Variants in CSMD1 observed in about 807,000 individuals in gnomAD.
CSMD1 encodes CUB and Sushi multiple domains 1.
In CSMD1, 213 loss-of-function variants were observed where a neutral mutation model predicts 417.5. The observed-to-expected ratio is 0.51, with a 90% confidence interval of 0.46 to 0.57. CSMD1 has a LOEUF of 0.57. Among genes scored for constraint, CSMD1 ranks in the 20% least tolerant of loss-of-function variants. CSMD1 has a pLI of 0.00. For synonymous variants in CSMD1, 2,862 were observed against 1,736.8 expected (o/e 1.65, Z -16.11); for missense variants, 6,923 against 4,529.7 (o/e 1.53, Z -15.17).
At position 3,656,787 on chromosome 8, in the gene CSMD1, G is replaced by A. The variant is rs545109119; in HGVS notation, c.1010-39990C>T. ...CTAAAAATCCAAAAATTAGGCAGAT[G>A]TGGTGGGCATCCCTGTAGTCCCAGC... On this transcript the variant is annotated intron_variant, in intron 7 of 69. Coordinates refer to ENST00000635120, the MANE Select transcript of CSMD1 (RefSeq NM_033225.6). Among the ~76,000 whole-genome samples, 18 of 152,222 alleles carry A rather than the reference G, an allele frequency of 1.2e-4. No homozygotes were observed. In the South Asian group the frequency reaches 3.5e-3, roughly 30 times the overall value.
rs75984504 is a variant in CSMD1, at chr8:4,759,557, C to T, written c.86-121999G>A. On this transcript the variant is annotated intron_variant, in intron 1 of 69. Transcript: ENST00000635120. ...CTAGGATTTTTTTCCTAATGCTCTC[C>T]CTTTCCCCGAACCATCCCCCTGTCA... 6.3e-3 allele frequency among the ~76,000 whole-genome samples: 926 copies of T among 147,498 alleles called. 8 individuals carry two copies. The highest frequency in any genetic ancestry group is 0.023 in the African/African-American group (895 of 38,406).
chr8:4,115,804 A>T (rs1041440722), intron 3 of CSMD1, among the ~76,000 whole-genome samples: 1 of 151,968 alleles, frequency 6.6e-6, no homozygotes, highest in Non-Finnish European at 1.5e-5. Context: ...AATGTAAATC[A>T]TATTTCTCAG....
chr8:4,829,552 G>T (rs1457520034), intron 1 of CSMD1, among the ~76,000 whole-genome samples: 1 of 151,900 alleles, frequency 6.6e-6, no homozygotes, highest in South Asian at 2.1e-4. Flanking sequence ...GAGCAGTCTG[G>T]GCAACATGGC....
At chr8:3,294,710 G>C (rs1031331758) in intron 25 of CSMD1, among the ~76,000 whole-genome samples, 14 of 152,134 alleles carry the variant, frequency 9.2e-5, no homozygotes, top group African/African-American at 2.9e-4. Flanking sequence ...CGATTTTCCA[G>C]GTGCCATCTG....
rs915837338 is a variant in CSMD1 at position 4,730,213 on chromosome 8, C to T, written c.86-92655G>A. Reference sequence around the variant, plus strand: ...TGGAAAAGAGGGAGACAGAAGAAAACAAAACAAAACAAAACAAAACAAAAC... The same window carrying T: ...TGGAAAAGAGGGAGACAGAAGAAAATAAAACAAAACAAAACAAAACAAAAC... On this transcript the variant is annotated intron_variant, in intron 1 of 69. Coordinates refer to ENST00000635120, the MANE Select transcript of CSMD1 (RefSeq NM_033225.6). 3.1e-4 allele frequency among the ~76,000 whole-genome samples: 46 copies of T among 150,138 alleles called. 1 individual carries two copies. The highest frequency in any genetic ancestry group is 2.0e-3 in the Admixed American group (30 of 15,154).
intron 39 of CSMD1, among the ~76,000 whole-genome samples, chr8:3,153,580 T>C (rs534507810): frequency 7.2e-4 from 110 of 152,344 alleles, no homozygotes; most frequent in Non-Finnish European, 1.2e-3. Flanking sequence ...AAATGTGGTA[T>C]TACTAAAAAG....
At chr8:4,163,702 T>C (rs1797294281) in intron 3 of CSMD1, among the ~76,000 whole-genome samples, 1 of 152,174 alleles carries the variant, frequency 6.6e-6, no homozygotes, top group Admixed American at 6.5e-5. Context: ...TAATAAAATT[T>C]TTTTATGGTG....
At chr8:3,228,103 A>C (rs1298269712) in intron 27 of CSMD1, among the ~76,000 whole-genome samples, 1 of 152,202 alleles carries the variant, frequency 6.6e-6, no homozygotes, top group Non-Finnish European at 1.5e-5. Flanking sequence ...ATACATAATT[A>C]TGAAATCATT....
chr8:2,980,451 C>T (rs1459249840), intron 54 of CSMD1, among the ~76,000 whole-genome samples: 1 of 151,950 alleles, frequency 6.6e-6, no homozygotes, highest in Admixed American at 6.6e-5. Context: ...TCCTCTTCTT[C>T]CATCCCTCTC....
intron 56 of CSMD1, 101 bp from the exon 57 acceptor site, chr8:2,973,400 T>A: frequency 8.3e-7 from 1 of 1,200,238 alleles, no homozygotes; most frequent in Admixed American, 2.1e-5. Context: ...GAAATTTGTG[T>A]TTCACATGAG....
At chr8:3,345,132 T>C (rs368903312) in intron 22 of CSMD1, among the ~76,000 whole-genome samples, 4 of 152,168 alleles carry the variant, frequency 2.6e-5, no homozygotes, top group South Asian at 2.1e-4. Flanking sequence ...ACGAAAGAAC[T>C]AGACACTCAG....
intron 36 of CSMD1, among the ~76,000 whole-genome samples, chr8:3,184,975 TTTTGTCCTGG>T (rs1426673600): frequency 6.6e-6 from 1 of 152,208 alleles, no homozygotes; most frequent in Admixed American, 6.5e-5. Context: ...CACATCCCTG[TTTTGTCCTGG>T]TTTGTCTCCT....
intron 3 of CSMD1, among the ~76,000 whole-genome samples, chr8:4,380,600 C>G (rs908611201): frequency 3.3e-5 from 5 of 152,140 alleles, no homozygotes; most frequent in African/African-American, 1.2e-4. Context: ...TAGGTGAAAA[C>G]TCAGAACATT....
intron 3 of CSMD1, among the ~76,000 whole-genome samples, chr8:4,088,940 T>C (rs549747698): frequency 6.6e-6 from 1 of 152,188 alleles, no homozygotes; most frequent in Non-Finnish European, 1.5e-5. Flanking sequence ...TGCCAAGGTC[T>C]TTCCTGAATT....
intron 1 of CSMD1, among the ~76,000 whole-genome samples, chr8:4,765,590 AACCTCCTG>A (rs1483901881): frequency 6.6e-6 from 1 of 152,230 alleles, no homozygotes; most frequent in Non-Finnish European, 1.5e-5. Context: ...CAATGCTATC[AACCTCCTG>A]AGCAGCTGAG....
At chr8:3,551,490 G>T (rs1181373664) in intron 10 of CSMD1, among the ~76,000 whole-genome samples, 1 of 151,022 alleles carries the variant, frequency 6.6e-6, no homozygotes, top group Non-Finnish European at 1.5e-5. Context: ...AACTTTTATT[G>T]TGACTGTTTG....
rs1476561059 is a variant in CSMD1 at position 3,795,905 on chromosome 8, C to T, written c.819-41863G>A. ...ATCTATCATGTACAGATATATATAT[C>T]ATGTACAGATATAGATATCTATCAT... On this transcript the variant is annotated intron_variant, in intron 5 of 69. Transcript: ENST00000635120. Among the ~76,000 whole-genome samples the T allele has an allele frequency of 7.1e-5, 3 of 42,328 alleles. 1 individual carries two copies. The highest frequency in any genetic ancestry group is 2.1e-4 in the African/African-American group (3 of 14,158). The allele number at this position is 42,328 out of a possible 152,430, so 27.8% of individuals were successfully genotyped here. A position where few individuals can be genotyped will look rare whatever the true frequency, so the allele number is the denominator to read the frequency against.
chr8:4,564,180 G>C (rs1563290417), intron 2 of CSMD1, among the ~76,000 whole-genome samples: 1 of 152,126 alleles, frequency 6.6e-6, no homozygotes, highest in Non-Finnish European at 1.5e-5. Context: ...AGTCATTGTT[G>C]AGCTTTCAAA....
At chr8:3,783,938 C>A (rs1799314050) in intron 5 of CSMD1, among the ~76,000 whole-genome samples, 1 of 152,210 alleles carries the variant, frequency 6.6e-6, no homozygotes, top group Non-Finnish European at 1.5e-5. Flanking sequence ...TACCCCAGCT[C>A]TGCGATTTAC....
Sources: allele counts gnomAD v4.1 joint callset (sites outside exome capture counted in the v4.1 genomes callset), GRCh38; gene constraint gnomAD v4.1.1; transcripts MANE v1.5; gene names NCBI Gene and HGNC (gene_info 2026-07-23, HGNC 2026-07-21).